The following ZNF175 variants were observed in gnomAD, a reference collection of about 807,000 sequenced individuals.
ZNF175 encodes the protein zinc finger protein OTK18.
In ZNF175, 8 loss-of-function variants were observed where a neutral mutation model predicts 14.0. That is an observed-to-expected ratio of 0.57 (90% CI 0.34 to 1.03). The LOEUF is 1.03. Ranked by LOEUF, ZNF175 falls within the 50% of genes least tolerant of loss-of-function variation. The pLI, the probability that ZNF175 is intolerant of heterozygous loss-of-function variation, is 0.03. For synonymous variants in ZNF175, 255 were observed against 296.8 expected (o/e 0.86, Z 1.45); for missense variants, 764 against 849.5 (o/e 0.90, Z 1.25).
At position 51,587,615 on chromosome 19, in the gene ZNF175, T is replaced by C. The variant is rs1350877409; in HGVS notation, c.1284T>C (p.Phe428=). ...QYACSECGKA[F]TQKSTLSLHQ... ...CATGCAGTGAATGTGGGAAAGCCTT[T>C]ACCCAGAAGTCAACACTCAGCTTGC... The change falls in exon 5 of 5, where the codon TTT becomes TTC. Residue 428 remains phenylalanine, a synonymous_variant. Coordinates refer to ENST00000262259, the MANE Select transcript of ZNF175 (RefSeq NM_007147.4). 6.2e-7 allele frequency: 1 copy of C among 1,612,414 alleles called. No individual in the cohort carries two copies. Among genetic ancestry groups the C allele is most frequent in the African/African-American group, 1.3e-5 (1 of 74,460 alleles).
chr19:51,581,428 G>A lies in ZNF175; in HGVS notation c.110G>A (p.Ser37Asn). 6.2e-7 allele frequency: 1 copy of A among 1,614,144 alleles called. No individual in the cohort carries two copies. Among genetic ancestry groups the A allele is most frequent in the Non-Finnish European group, 8.5e-7 (1 of 1,180,044 alleles). The stretch of plus-strand genomic sequence containing the variant: ...TTTGAGGACGTGACCGTGGACTTCA[G>A]CAGGGAGGAGTGGCAGCAACTGGAC... ...VSFEDVTVDF[S>N]REEWQQLDPA... Residue 37 changes from serine (S) to asparagine (N), a missense_variant, in exon 3 of 5, where the codon AGC becomes AAC. Physicochemically the swap from Ser to Asn is conservative, Grantham distance 46 (BLOSUM62 1). Transcript: ENST00000262259.
chr19:51,577,773 C>G (rs113046906), intron 2 of ZNF175, among the ~76,000 whole-genome samples: 1 of 150,700 alleles, frequency 6.6e-6, no homozygotes, highest in Non-Finnish European at 1.5e-5. Flanking sequence ...ACGCCATTCT[C>G]CTGCTTCAGC....
chr19:51,586,037 T>C (rs1485241078), intron 4 of ZNF175, among the ~76,000 whole-genome samples: 1 of 152,224 alleles, frequency 6.6e-6, no homozygotes, highest in East Asian at 1.9e-4. Context: ...GAAGCTTTAA[T>C]AGTTTTCAGA....
At chr19:51,586,395 AT>A (rs1221326687) in intron 4 of ZNF175, among the ~76,000 whole-genome samples, 20 of 152,370 alleles carry the variant, frequency 1.3e-4, no homozygotes, top group Admixed American at 5.2e-4. Flanking sequence ...TATTATGCAG[AT>A]TAAATGAGTA....
At position 51,588,486 on chromosome 19, in the gene ZNF175, T is replaced by C. The variant is rs1225619799; in HGVS notation, c.*19T>C. 4 of 1,515,198 alleles carry C rather than the reference T, an allele frequency of 2.6e-6. No individual in the cohort carries two copies. The highest frequency in any genetic ancestry group is 3.5e-6 in the Non-Finnish European group (4 of 1,139,902). The allele number at this position is 1,515,198 out of a possible 1,614,324, so 93.9% of individuals were successfully genotyped here. A position where few individuals can be genotyped will look rare whatever the true frequency, so the allele number is the denominator to read the frequency against. ...GCAATGAATTCCTAGTGCATCAGCA[T>C]ATTCATAAATGAAATATACTCCGAG... On this transcript the variant is annotated 3_prime_UTR_variant, in exon 5 of 5. Transcript: ENST00000262259.
intron 4 of ZNF175, among the ~76,000 whole-genome samples, chr19:51,582,487 C>T (rs1181487259): frequency 6.6e-6 from 1 of 152,124 alleles, no homozygotes; most frequent in Non-Finnish European, 1.5e-5. Flanking sequence ...TTAGTAGAGA[C>T]AGGGTTTCAC....
At chr19:51,577,778 T>C (rs113016712) in intron 2 of ZNF175, among the ~76,000 whole-genome samples, 3,236 of 151,174 alleles carry the variant, frequency 0.021, 105 homozygotes, top group African/African-American at 0.073. Context: ...ATTCTCCTGC[T>C]TCAGCCTCCC....
Position 51,590,259 on chromosome 19 carries a change from G to C in ZNF175, c.*1792G>C, listed in dbSNP as rs756425300. ...TCTGCATCTGCTGAGCAAGTTATTT[G>C]GTCTCATCTATTCTGGTTTTCTCAT... On this transcript the variant is annotated 3_prime_UTR_variant, in exon 5 of 5. Coordinates refer to ENST00000262259, the MANE Select transcript of ZNF175 (RefSeq NM_007147.4). The C allele has an allele frequency of 6.6e-5, 10 of 152,352 alleles. No homozygotes were observed. The highest frequency in any genetic ancestry group is 1.5e-4 in the Non-Finnish European group (10 of 68,218). The allele number at this position is 152,352 out of a possible 1,614,324, so 9.4% of individuals were successfully genotyped here. A position where few individuals can be genotyped will look rare whatever the true frequency, so the allele number is the denominator to read the frequency against.
In ZNF175 at chr19:51,587,663, G is replaced by T; in HGVS notation, c.1332G>T (p.Gln444His). The T allele has an allele frequency of 6.2e-7, 1 of 1,614,108 alleles. No individual in the cohort carries two copies. Among genetic ancestry groups the T allele is most frequent in the South Asian group, 1.1e-5 (1 of 91,084 alleles). Residue 444 changes from glutamine (Q) to histidine (H), a missense_variant, in exon 5 of 5, where the codon CAG becomes CAT. By Grantham distance (24) the Gln-to-His change is conservative. Coordinates refer to ENST00000262259, the MANE Select transcript of ZNF175 (RefSeq NM_007147.4). ...LSLHQRIHSG[Q>H]KSYVCIECGQ... ...TGCACCAGAGAATCCACTCAGGGCA[G>T]AAGTCCTATGTGTGTATCGAATGCG...
At chr19:51,577,543 A>G (rs888729594) in intron 2 of ZNF175, among the ~76,000 whole-genome samples, 16 of 152,256 alleles carry the variant, frequency 1.1e-4, no homozygotes, top group Non-Finnish European at 2.1e-4. Context: ...TGATTGAACT[A>G]TCTTACCTAA....
At chr19:51,576,882 G>A (rs564588213) in intron 2 of ZNF175, among the ~76,000 whole-genome samples, 93 of 152,138 alleles carry the variant, frequency 6.1e-4, no homozygotes, top group African/African-American at 2.0e-3. Flanking sequence ...GACGGTACAC[G>A]GCAGTAAATC....
At chr19:51,572,185 A>C (rs562276730) in intron 1 of ZNF175, among the ~76,000 whole-genome samples, 1 of 152,330 alleles carries the variant, frequency 6.6e-6, no homozygotes, top group African/African-American at 2.4e-5. Context: ...GCTCGCTGGG[A>C]AACATTTCTT....
At chr19:51,586,576 C>G in intron 4 of ZNF175, 51 bp from the exon 5 acceptor site, 1 of 1,519,844 alleles carries the variant, frequency 6.6e-7, no homozygotes, top group South Asian at 1.3e-5. Context: ...CATGCAGTTT[C>G]TCCTCTTTCT....
rs76229180 is a variant in ZNF175 at position 51,580,838 on chromosome 19, A to G, written c.73-553A>G. 3.9e-3 allele frequency among the ~76,000 whole-genome samples: 597 copies of G among 152,300 alleles called. 28 individuals carry two copies. In the East Asian group the frequency reaches 0.079, roughly 20 times the overall value. The stretch of plus-strand genomic sequence containing the variant: ...ATTTCCTTCACACATCCTGCATCAC[A>G]GTTCTTACTTCCAGCGTAAGCTTCA... On this transcript the variant is annotated intron_variant, in intron 2 of 4. Coordinates refer to ENST00000262259, the MANE Select transcript of ZNF175 (RefSeq NM_007147.4).
rs980108990 is a variant in ZNF175 at position 51,590,846 on chromosome 19, T to C, written c.*2379T>C. On this transcript the variant is annotated 3_prime_UTR_variant, in exon 5 of 5. Coordinates refer to ENST00000262259, the MANE Select transcript of ZNF175 (RefSeq NM_007147.4). ...GGGGTGGAAATAGTGTGCACCTGGG[T>C]CCTGGGAGTGGCACCCTGACCAGTT... 1 of 152,216 alleles carries C rather than the reference T, an allele frequency of 6.6e-6. No homozygotes were observed. 9.4% of individuals were successfully genotyped at this position (152,216 alleles called of 1,614,324 possible). A position where few individuals can be genotyped will look rare whatever the true frequency, so the allele number is the denominator to read the frequency against.
At chr19:51,574,431 T>C (rs1981702867) in intron 2 of ZNF175, among the ~76,000 whole-genome samples, 1 of 152,172 alleles carries the variant, frequency 6.6e-6, no homozygotes, top group South Asian at 2.1e-4. Context: ...CTCATGCACT[T>C]TGGGAGGCCG....
chr19:51,590,668 TCTCC>T lies in ZNF175; in HGVS notation c.*2204_*2207del, dbSNP rs1242627650. 2.6e-5 allele frequency: 4 copies of T among 152,260 alleles called. No individual in the cohort carries two copies. The highest frequency in any genetic ancestry group is 9.7e-5 in the African/African-American group (4 of 41,382). 9.4% of individuals were successfully genotyped at this position (152,260 alleles called of 1,614,324 possible). On this transcript the variant is annotated 3_prime_UTR_variant, in exon 5 of 5. Coordinates refer to ENST00000262259, the MANE Select transcript of ZNF175 (RefSeq NM_007147.4). ...AAATCTGTTCTGTGTCTCACTGGCC[TCTCC>T]CTGTCCAGGGGCGTAGTATCAGTGA... is the stretch of plus-strand genomic sequence containing the variant.
chr19:51,586,004 TG>T (rs1335235307), intron 4 of ZNF175, among the ~76,000 whole-genome samples: 1 of 152,198 alleles, frequency 6.6e-6, no homozygotes, highest in Non-Finnish European at 1.5e-5. Context: ...ATTCTTTCAC[TG>T]GTTGGCCATG....
At chr19:51,579,568 G>C (rs969649595) in intron 2 of ZNF175, among the ~76,000 whole-genome samples, 8 of 152,156 alleles carry the variant, frequency 5.3e-5, no homozygotes, top group Admixed American at 2.0e-4. Flanking sequence ...TCCCATGCCT[G>C]TACCAAAATG....
Sources: allele counts gnomAD v4.1 joint callset (sites outside exome capture counted in the v4.1 genomes callset), GRCh38; gene constraint gnomAD v4.1.1; transcripts MANE v1.5; gene names NCBI Gene and HGNC (gene_info 2026-07-23, HGNC 2026-07-21).